The following FLT4 variants were observed in gnomAD, a reference collection of about 807,000 sequenced individuals.
The protein encoded by FLT4 is vascular endothelial growth factor receptor 3.
FLT4 carries 30 observed loss-of-function variants against 163.2 expected under a neutral mutation model. That is an observed-to-expected ratio of 0.18 (90% CI 0.14 to 0.25). The LOEUF (loss-of-function observed/expected upper bound fraction) is 0.25, where lower values mean the gene tolerates loss of function less well. Ranked by LOEUF, FLT4 falls within the 10% of genes least tolerant of loss-of-function variation. The pLI, the probability that FLT4 is intolerant of heterozygous loss-of-function variation, is 1.00. For missense variants in FLT4, 1,510 were observed against 1,863.8 expected (o/e 0.81, Z 3.50); for synonymous variants, 884 against 789.5 (o/e 1.12, Z -2.01).
rs751762446 is a variant in FLT4, at chr5:180,631,733, G to A, written c.104C>T (p.Thr35Met). The change falls in exon 2 of 30, where the codon ACG (threonine) becomes ATG (methionine). Residue 35 changes from threonine (T) to methionine (M), a missense_variant. By Grantham distance (81) the Thr-to-Met change is moderately conservative. Transcript: ENST00000261937. ...GGTGTCGATGACGTGTGACTCCTCC[G>A]TGATGTTCAAGGTCGGGGGGGTCAT... ...YSMTPPTLNI[T>M]EESHVIDTGD... is the part of the protein sequence containing the mutation. 6.8e-6 allele frequency: 11 copies of A among 1,610,752 alleles called. No individual in the cohort carries two copies. The highest frequency in any genetic ancestry group is 1.7e-5 in the Admixed American group (1 of 60,000).
intron 1 of FLT4, among the ~76,000 whole-genome samples, chr5:180,640,115 T>A (rs944121768): frequency 6.6e-6 from 1 of 152,134 alleles, no homozygotes; most frequent in Non-Finnish European, 1.5e-5. Flanking sequence ...AGGAGGGTCC[T>A]GCACCTCCCC....
Position 180,620,775 on chromosome 5 carries a change from G to A in FLT4, c.2300-60C>T. 6.3e-7 allele frequency: 1 copy of A among 1,596,652 alleles called. No individual in the cohort carries two copies. The highest frequency in any genetic ancestry group is 8.6e-7 in the Non-Finnish European group (1 of 1,166,630). On this transcript the variant is annotated intron_variant, in intron 15 of 29. Coordinates refer to ENST00000261937, the MANE Select transcript of FLT4 (RefSeq NM_182925.5). This position sits in a 1 kb window ranked among gnomAD's most constrained non-coding sequence, Gnocchi z 4.4. ...GTGTGTGTAAGAGCGTGCACCTGCA[G>A]GCAGCACCCCTTCTGGTGGCCACGA...
At chr5:180,632,284 T>G (rs544460716) in intron 1 of FLT4, among the ~76,000 whole-genome samples, 7 of 152,216 alleles carry the variant, frequency 4.6e-5, no homozygotes, top group Non-Finnish European at 5.9e-5. Context: ...CCTCGCCCCC[T>G]CCTGCCTGCT....
At chr5:180,648,292 T>G (rs914939509) in intron 1 of FLT4, among the ~76,000 whole-genome samples, 4 of 152,126 alleles carry the variant, frequency 2.6e-5, no homozygotes, top group African/African-American at 9.7e-5. Context: ...CTGCCCCCTC[T>G]CCTGTCCTCT....
chr5:180,613,062 C>T lies in FLT4; in HGVS notation c.3380G>A (p.Arg1127Gln), dbSNP rs376188634. Residue 1127 changes from arginine (R) to glutamine (Q), a missense_variant, in exon 25 of 30, where the codon CGG (arginine) becomes CAG (glutamine). Physicochemically the swap from Arg to Gln is conservative, Grantham distance 43 (BLOSUM62 1). This residue lies in a region of FLT4 where 17 missense variants were observed against 76.2 expected (regional missense o/e 0.22). Coordinates refer to ENST00000261937, the MANE Select transcript of FLT4 (RefSeq NM_182925.5). Reference protein sequence around the residue: ...GVQINEEFCQRLRDGTRMRAP... With the variant: ...GVQINEEFCQQLRDGTRMRAP... ...CCTCATCCTTGTGCCGTCTCTCAGC[C>T]GCTGGCAGAACTCCTCATTGATCTG... 11 of 1,613,598 alleles carry T rather than the reference C, an allele frequency of 6.8e-6. No individual in the cohort carries two copies. The highest frequency in any genetic ancestry group is 2.7e-5 in the African/African-American group (2 of 74,920).
intron 12 of FLT4, 71 bp from the exon 13 acceptor site, chr5:180,621,975 G>C (rs1763184576): frequency 1.9e-6 from 3 of 1,561,636 alleles, no homozygotes; most frequent in Admixed American, 1.8e-5. Flanking sequence ...GCCGCCCCGG[G>C]GTCTCCTCCT....
At chr5:180,639,882 T>C (rs1272938578) in intron 1 of FLT4, among the ~76,000 whole-genome samples, 1 of 152,212 alleles carries the variant, frequency 6.6e-6, no homozygotes, top group Non-Finnish European at 1.5e-5. Context: ...CCTGCCTTCC[T>C]GTTCCTGGCC....
rs1329348028 is a variant in FLT4, at chr5:180,620,441, GAC to G, written c.2407-135_2407-134del. On this transcript the variant is annotated intron_variant, in intron 16 of 29. Transcript: ENST00000261937. This position sits in a 1 kb window ranked among gnomAD's most constrained non-coding sequence, Gnocchi z 4.4. ...CAGTCAAGGAGGGGACAGAAAAAAA[GAC>G]AGACAACCTCTGCGGGGTTGGAGCC... The G allele has an allele frequency of 1.5e-6, 2 of 1,326,690 alleles. No homozygotes were observed. Among genetic ancestry groups the G allele is most frequent in the Non-Finnish European group, 2.2e-6 (2 of 929,940 alleles). 82.2% of individuals were successfully genotyped at this position (1,326,690 alleles called of 1,614,324 possible).
In FLT4 at chr5:180,613,003, A is replaced by G. The variant is rs749907808; in HGVS notation, c.3431+8T>C. 3.7e-6 allele frequency: 6 copies of G among 1,603,300 alleles called. No homozygotes were observed. In the South Asian group the frequency reaches 6.6e-5, roughly 18 times the overall value. On this transcript the variant is annotated splice_region_variant and intron_variant, in intron 25 of 29. Coordinates refer to ENST00000261937, the MANE Select transcript of FLT4 (RefSeq NM_182925.5). ...CCCCAAAACCTGCAGGGCCATGGGG[A>G]GGCTCACATGGCGGGAGTGGCCAGC...
At position 180,628,109 on chromosome 5, in the gene FLT4, C is replaced by T. The variant is rs192678877; in HGVS notation, c.1103+773G>A. Among the ~76,000 whole-genome samples, 29 of 152,324 alleles carry T rather than the reference C, an allele frequency of 1.9e-4. 1 individual carries two copies. Among genetic ancestry groups the T allele is most frequent in the Non-Finnish European group, 3.2e-4 (22 of 68,008 alleles). On this transcript the variant is annotated intron_variant, in intron 8 of 29. Coordinates refer to ENST00000261937, the MANE Select transcript of FLT4 (RefSeq NM_182925.5). Reference sequence around the variant, plus strand: ...GAAGAGAAGGAGGCTCTTGGGCTAGCTCAGTGCAGAGACCCCTCCTGGGGA... The same window carrying T: ...GAAGAGAAGGAGGCTCTTGGGCTAGTTCAGTGCAGAGACCCCTCCTGGGGA...
At chr5:180,607,972 A>C (rs573028061) in intron 29 of FLT4, 157 of 632,670 alleles carry the variant, frequency 2.5e-4, no homozygotes, top group Non-Finnish European at 4.0e-4. Flanking sequence ...GTTACTCAGC[A>C]GACCATGAAA....
At chr5:180,605,844 C>T (rs1193825935) in intron 29 of FLT4, among the ~76,000 whole-genome samples, 2 of 152,198 alleles carry the variant, frequency 1.3e-5, no homozygotes, top group Non-Finnish European at 2.9e-5. Context: ...TGAAAAGCCA[C>T]ATCTATAGGT....
At chr5:180,649,849 G>T (rs1765660696), upstream of FLT4, among the ~76,000 whole-genome samples, 1 of 152,118 alleles carries the variant, frequency 6.6e-6, no homozygotes, top group Non-Finnish European at 1.5e-5. Context: ...GATGGAGCCT[G>T]GTGGGCAAAG....
At chr5:180,611,199 G>C (rs1261474571) in intron 27 of FLT4, 132 bp downstream of exon 27, 1 of 1,125,708 alleles carries the variant, frequency 8.9e-7, no homozygotes, top group African/African-American at 1.5e-5. Context: ...AAGCCACTCT[G>C]TGCTCTGAGT....
chr5:180,630,032 G>A lies in FLT4; in HGVS notation c.587C>T (p.Pro196Leu). ...CAGGTACAGGGCATCGTGCAGCAGT[G>A]GCGTGGACACGAGCATGCCCCGCCG... The part of the protein sequence containing the change: ...DDRRGMLVST[P>L]LLHDALYLQC... Residue 196 changes from proline (P) to leucine (L), a missense_variant, in exon 5 of 30, where the codon CCA becomes CTA. By Grantham distance (98) the Pro-to-Leu change is moderately conservative. Around this residue, in one of 5 missense-constraint regions of FLT4, gnomAD observed 163 missense variants for 281.1 expected, o/e 0.58. Transcript: ENST00000261937. This position sits in a 1 kb window ranked among gnomAD's most constrained non-coding sequence, Gnocchi z 6.3. The A allele has an allele frequency of 6.2e-7, 1 of 1,612,790 alleles. No individual in the cohort carries two copies. The highest frequency in any genetic ancestry group is 8.5e-7 in the Non-Finnish European group (1 of 1,180,006).
intron 1 of FLT4, 68 bp from the exon 2 acceptor site, chr5:180,631,846 TG>T (rs1764192667): frequency 2.7e-6 from 3 of 1,116,824 alleles, no homozygotes; most frequent in Non-Finnish European, 4.0e-6. Flanking sequence ...GGGGCATGGC[TG>T]GGCATTCTGC....
chr5:180,611,559 C>A (rs567024729), intron 26 of FLT4, 80 bp from the exon 27 acceptor site: 20 of 1,455,116 alleles, frequency 1.4e-5, no homozygotes, highest in East Asian at 2.5e-5. Flanking sequence ...TCAGCCCTCA[C>A]CCCCGCCCTC....
At chr5:180,629,908 G>A (rs2127835713) in intron 5 of FLT4, 35 bp downstream of exon 5, 1 of 1,612,670 alleles carries the variant, frequency 6.2e-7, no homozygotes, top group Non-Finnish European at 8.5e-7. Context: ...GGCAGTGACA[G>A]CCCCGTTACT....
chr5:180,625,779 G>A (rs1763553627), intron 10 of FLT4, 90 bp downstream of exon 10: 13 of 1,208,182 alleles, frequency 1.1e-5, no homozygotes, highest in South Asian at 6.4e-5. Flanking sequence ...GGAAGACCTG[G>A]GCAGTGAGGG....
Sources: gnomAD v4.1 joint callset for allele counts (sites outside exome capture counted in the v4.1 genomes callset) on GRCh38, gnomAD v4.1.1 for gene constraint, gnomAD v4.1.1 regional missense constraint, Gnocchi (gnomAD v3.1) non-coding constraint, MANE v1.5 for transcripts, NCBI Gene and HGNC (gene_info 2026-07-23, HGNC 2026-07-21) for gene names.